The following TLK1 variants were observed in gnomAD, a reference collection of about 807,000 sequenced individuals.
The protein encoded by TLK1 is serine/threonine-protein kinase tousled-like 1.
A neutral mutation model predicts 105.3 loss-of-function variants in TLK1; 24 were observed. That is an observed-to-expected ratio of 0.23 (90% CI 0.17 to 0.32). The LOEUF (loss-of-function observed/expected upper bound fraction) is 0.32, where lower values mean the gene tolerates loss of function less well. Ranked by LOEUF, TLK1 falls within the 10% of genes least tolerant of loss-of-function variation. The pLI, the probability that TLK1 is intolerant of heterozygous loss-of-function variation, is 1.00. For missense variants in TLK1, 558 were observed against 910.5 expected, an observed-to-expected ratio of 0.61 and a Z score of 4.98; for synonymous variants, 321 against 310.4, an observed-to-expected ratio of 1.03 and a Z score of -0.36.
chr2:170,999,613 G>A (rs1684259861), intron 18 of TLK1, among the ~76,000 whole-genome samples: 1 of 152,022 alleles, frequency 6.6e-6, no homozygotes, highest in African/African-American at 2.4e-5. Context: ...GAGGATGAAA[G>A]GTAATTTATA....
chr2:171,202,599 A>C (rs997560386), intron 1 of TLK1, among the ~76,000 whole-genome samples: 9 of 152,160 alleles, frequency 5.9e-5, no homozygotes, highest in Non-Finnish European at 1.0e-4. Context: ...TCTACTAAAA[A>C]TACAAAAATT....
chr2:171,161,528 TAA>T (rs914793922), upstream of TLK1, among the ~76,000 whole-genome samples: 1 of 152,150 alleles, frequency 6.6e-6, no homozygotes, highest in Non-Finnish European at 1.5e-5. Flanking sequence ...TCGTGTTTTC[TAA>T]AAAAGAGTGA....
At chr2:171,203,284 G>A (rs1693437381) in intron 1 of TLK1, among the ~76,000 whole-genome samples, 1 of 152,010 alleles carries the variant, frequency 6.6e-6, no homozygotes, top group African/African-American at 2.4e-5. Context: ...CATATTTTGT[G>A]TAAATAGTCT....
chr2:171,031,428 G>C (rs557461601), intron 11 of TLK1, among the ~76,000 whole-genome samples: 1 of 152,160 alleles, frequency 6.6e-6, no homozygotes, highest in Non-Finnish European at 1.5e-5. Context: ...TTTTATGTGT[G>C]TAAGATGCTT....
intron 11 of TLK1, among the ~76,000 whole-genome samples, chr2:171,033,628 G>A (rs1686159868): frequency 6.7e-6 from 1 of 150,274 alleles, no homozygotes; most frequent in Admixed American, 7.0e-5. Flanking sequence ...CATTTACCCT[G>A]ATGTGATTAT....
At chr2:170,995,149 G>T (rs1419218381) in intron 20 of TLK1, among the ~76,000 whole-genome samples, 1 of 151,946 alleles carries the variant, frequency 6.6e-6, no homozygotes, top group African/African-American at 2.4e-5. Context: ...TTTGAAAAAT[G>T]ATTAAGAGGG....
intron 11 of TLK1, among the ~76,000 whole-genome samples, chr2:171,036,913 T>C (rs1323192298): frequency 6.6e-6 from 1 of 152,100 alleles, no homozygotes. Context: ...ATAATGGTTT[T>C]CCCAAAATGC....
intron 1 of TLK1, among the ~76,000 whole-genome samples, chr2:171,221,936 C>T (rs971368489): frequency 2.0e-5 from 3 of 152,242 alleles, no homozygotes; most frequent in Non-Finnish European, 2.9e-5. Context: ...AGGGCGTCAG[C>T]ATATGAATTT....
chr2:171,219,262 C>T (rs1281384480), intron 1 of TLK1, among the ~76,000 whole-genome samples: 1 of 152,130 alleles, frequency 6.6e-6, no homozygotes, highest in African/African-American at 2.4e-5. Context: ...TCATTCCTTG[C>T]CTCTTTCAAA....
chr2:171,059,994 A>G (rs751706484), intron 4 of TLK1: 3 of 1,612,432 alleles, frequency 1.9e-6, no homozygotes, highest in Non-Finnish European at 2.5e-6. Context: ...ACCCTGCAGA[A>G]GATGAGAGGA....
chr2:171,061,055 T>A, intron 4 of TLK1, 26 bp downstream of exon 4: 1 of 1,603,154 alleles, frequency 6.2e-7, no homozygotes, highest in Non-Finnish European at 8.5e-7. Flanking sequence ...TCCACTAGGC[T>A]CTGAAGGAAG....
intron 2 of TLK1, among the ~76,000 whole-genome samples, chr2:171,108,408 A>G (rs1362402840): frequency 6.6e-6 from 1 of 152,198 alleles, no homozygotes; most frequent in Non-Finnish European, 1.5e-5. Flanking sequence ...ATGTAACTTT[A>G]AAACATCAGG....
chr2:171,154,578 T>A (rs1692163933), intron 1 of TLK1: 1 of 152,224 alleles, frequency 6.6e-6, no homozygotes, highest in African/African-American at 2.4e-5. Flanking sequence ...TTTATGGAAC[T>A]GAAGCAGAGA....
Position 171,160,355 on chromosome 2 carries a change from G to C in TLK1, c.74C>G (p.Pro25Arg), listed in dbSNP as rs1169592292. The change falls in exon 1 of 21, where the codon CCG (proline) becomes CGG (arginine). Residue 25 changes from proline to arginine, a missense_variant. Coordinates refer to ENST00000431350, the MANE Select transcript of TLK1 (RefSeq NM_012290.5). The surrounding 1 kb of genome is among the most constrained non-coding windows in gnomAD (Gnocchi z 4.4). ...GGACCTGGCCGCCGCCGCCGAGCCC[G>C]GGGTTGGAGACGTGGAGAGCTGGGA... ...SWSQLSTSPT[P>R]GSAAAARSLL... The C allele has an allele frequency of 1.2e-6, 2 of 1,604,726 alleles. No homozygotes were observed. Among genetic ancestry groups the C allele is most frequent in the African/African-American group, 2.7e-5 (2 of 74,042 alleles).
chr2:171,093,770 C>T (rs1689339738), intron 2 of TLK1, among the ~76,000 whole-genome samples: 1 of 152,048 alleles, frequency 6.6e-6, no homozygotes, highest in African/African-American at 2.4e-5. Context: ...CTGGTCAAAT[C>T]TATGGGGAAG....
rs1018211660 is a variant in TLK1, at chr2:171,103,281, T to TATATATATATATATATATAA, written c.258+14457_258+14458insTTATATATATATATATATAT. On this transcript the variant is annotated intron_variant, in intron 2 of 20. Coordinates refer to ENST00000431350, the MANE Select transcript of TLK1 (RefSeq NM_012290.5). ...TCTCAAATTTATATATATATATATA[T>TATATATATATATATATATAA]AATTTTTTTTGAGACATAAGTCACA... Among the ~76,000 whole-genome samples, 209 of 150,114 alleles carry TATATATATATATATATATAA rather than the reference T, an allele frequency of 1.4e-3. 3 individuals are homozygous for TATATATATATATATATATAA. The highest frequency in any genetic ancestry group is 4.7e-3 in the African/African-American group (189 of 40,106).
intron 3 of TLK1, among the ~76,000 whole-genome samples, chr2:171,082,030 TACAC>T (rs3084370): frequency 2.0e-5 from 3 of 146,716 alleles, no homozygotes; most frequent in Admixed American, 6.8e-5. Flanking sequence ...ACGGGAAAAA[TACAC>T]ACACACACAC....
intron 2 of TLK1, among the ~76,000 whole-genome samples, chr2:171,114,073 A>G (rs1690301007): frequency 6.6e-6 from 1 of 152,194 alleles, no homozygotes; most frequent in Non-Finnish European, 1.5e-5. Flanking sequence ...AATCTAAAAT[A>G]TATTATGGAA....
At position 171,006,193 on chromosome 2, in the gene TLK1, C is replaced by T. The variant is rs764122008; in HGVS notation, c.1858G>A (p.Gly620Ser). 2.9e-5 allele frequency: 47 copies of T among 1,610,574 alleles called. No individual in the cohort carries two copies. Among genetic ancestry groups the T allele is most frequent in the Admixed American group, 6.7e-5 (4 of 59,442 alleles). ...LSKIMDDDSY[G>S]VDGMDLTSQG... The stretch of plus-strand genomic sequence containing the variant: ...GAAGTTAGATCCATTCCATCTACAC[C>T]ATAGCTATCATCATCCATAATCTTG... Residue 620 changes from glycine (G) to serine (S), a missense_variant, in exon 18 of 21, where the codon GGT (glycine) becomes AGT (serine). Gly to Ser is a moderately conservative substitution (Grantham distance 56). Coordinates refer to ENST00000431350, the MANE Select transcript of TLK1 (RefSeq NM_012290.5).
Sources: gnomAD v4.1 joint callset for allele counts (sites outside exome capture counted in the v4.1 genomes callset) on GRCh38, gnomAD v4.1.1 for gene constraint, Gnocchi (gnomAD v3.1) non-coding constraint, MANE v1.5 for transcripts, NCBI Gene and HGNC (gene_info 2026-07-23, HGNC 2026-07-21) for gene names.